The following RORA variants were observed in gnomAD, a reference collection of about 807,000 sequenced individuals.
RORA encodes the protein RAR related orphan receptor A, also known as nuclear receptor ROR-alpha.
Under a neutral mutation model 69.5 loss-of-function variants are expected in RORA, and 7 were observed. The ratio of observed to expected loss-of-function variants is 0.10; its 90% confidence interval spans 0.06 to 0.19. The LOEUF (loss-of-function observed/expected upper bound fraction) is 0.19, where lower values mean the gene tolerates loss of function less well. RORA is among the 10% of genes least tolerant of loss of function. The pLI is 1.00. For synonymous variants in RORA, 261 were observed against 240.8 expected, an observed-to-expected ratio of 1.08 and a Z score of -0.78; for missense variants, 457 against 663.0, an observed-to-expected ratio of 0.69 and a Z score of 3.41.
intron 1 of RORA, among the ~76,000 whole-genome samples, chr15:60,928,409 T>C (rs1241749018): frequency 1.3e-5 from 2 of 152,186 alleles, no homozygotes; most frequent in Non-Finnish European, 2.9e-5. Context: ...ACCAACATTC[T>C]AGGCGGGAAG....
intron 1 of RORA, among the ~76,000 whole-genome samples, chr15:60,921,717 A>C (rs866448303): frequency 6.6e-6 from 1 of 152,176 alleles, no homozygotes; most frequent in Non-Finnish European, 1.5e-5. Context: ...CATCTCTGCC[A>C]CTCACCATGT....
At chr15:60,741,530 A>C (rs1376157637) in intron 1 of RORA, among the ~76,000 whole-genome samples, 5 of 152,156 alleles carry the variant, frequency 3.3e-5, no homozygotes, top group African/African-American at 7.2e-5. Flanking sequence ...AGACAGACTG[A>C]AAATTCTCAG....
At chr15:60,613,022 AT>A (rs911568934) in intron 2 of RORA, among the ~76,000 whole-genome samples, 142 of 148,194 alleles carry the variant, frequency 9.6e-4, no homozygotes, top group African/African-American at 1.3e-3. Flanking sequence ...CTGTTCAGGA[AT>A]TTTTTTTTTT....
chr15:60,712,240 C>G (rs2071154617), intron 1 of RORA, among the ~76,000 whole-genome samples: 1 of 152,114 alleles, frequency 6.6e-6, no homozygotes, highest in Non-Finnish European at 1.5e-5. Flanking sequence ...AAGTGATTGT[C>G]TAACATTTTT....
chr15:61,165,178 A>G (rs1212161525), intron 1 of RORA, among the ~76,000 whole-genome samples: 1 of 152,234 alleles, frequency 6.6e-6, no homozygotes, highest in African/African-American at 2.4e-5. Context: ...GCCTCAACAC[A>G]GGGAGTATCT....
At chr15:60,862,284 G>A (rs2073441933) in intron 1 of RORA, among the ~76,000 whole-genome samples, 3 of 152,340 alleles carry the variant, frequency 2.0e-5, no homozygotes, top group African/African-American at 7.2e-5. Flanking sequence ...GTCAGGACAA[G>A]AGGATAGAGG....
chr15:61,155,004 C>G (rs112589260), intron 1 of RORA, among the ~76,000 whole-genome samples: 187 of 131,770 alleles, frequency 1.4e-3, no homozygotes, highest in African/African-American at 4.4e-3. Context: ...TTAGACAGGA[C>G]AAATACATTG....
chr15:61,073,896 G>A (rs1458410627), intron 1 of RORA, among the ~76,000 whole-genome samples: 3 of 152,146 alleles, frequency 2.0e-5, no homozygotes, highest in Non-Finnish European at 4.4e-5. Context: ...GGCATGCCCT[G>A]GCTTCAGATA....
chr15:60,547,735 A>C (rs1028743417), intron 2 of RORA: 6 of 151,906 alleles, frequency 3.9e-5, no homozygotes, highest in Non-Finnish European at 7.4e-5. Flanking sequence ...TTCTAGGAGA[A>C]CTATGGCCAC....
chr15:60,563,745 G>T (rs1056318663), intron 2 of RORA, among the ~76,000 whole-genome samples: 12 of 151,920 alleles, frequency 7.9e-5, no homozygotes, highest in African/African-American at 2.9e-4. Flanking sequence ...TTCCTGTGTG[G>T]CTACATCACA....
At chr15:60,978,193 G>C (rs6494239) in intron 1 of RORA, among the ~76,000 whole-genome samples, 145,267 of 152,166 alleles carry the variant, frequency 0.95, 69,369 homozygotes, top group Middle Eastern at 1. Flanking sequence ...TCATCAACAT[G>C]GCCAGCCTAG....
rs533609504 is a variant in RORA, at chr15:61,119,756, G to A, written c.166+109297C>T. Among the ~76,000 whole-genome samples, 6 of 152,298 alleles carry A rather than the reference G, an allele frequency of 3.9e-5. No individual in the cohort carries two copies. In the South Asian group the frequency reaches 1.0e-3, roughly 26 times the overall value. On this transcript the variant is annotated intron_variant, in intron 1 of 10. Transcript: ENST00000335670. ...GGCAAATGGCAGCAGGACAGCTGGA[G>A]TATACCAGAGTTGACTCATTTATTT... is the stretch of plus-strand genomic sequence containing the variant.
chr15:60,793,629 T>C (rs568644547), intron 1 of RORA, among the ~76,000 whole-genome samples: 6 of 152,332 alleles, frequency 3.9e-5, no homozygotes, highest in Non-Finnish European at 7.4e-5. Context: ...TGCACAAGTC[T>C]TGCCTGTGTG....
chr15:60,990,078 G>A (rs1386339410), intron 1 of RORA, among the ~76,000 whole-genome samples: 1 of 152,144 alleles, frequency 6.6e-6, no homozygotes, highest in African/African-American at 2.4e-5. Flanking sequence ...GTTTCATTTG[G>A]TTCATGCTGA....
At chr15:61,037,176 G>GT (rs1221266055) in intron 1 of RORA, among the ~76,000 whole-genome samples, 5 of 152,152 alleles carry the variant, frequency 3.3e-5, no homozygotes, top group African/African-American at 1.2e-4. Context: ...GGAGCAATGT[G>GT]TAAGAATTGA....
chr15:61,091,745 T>C (rs2078710716), intron 1 of RORA, among the ~76,000 whole-genome samples: 1 of 152,240 alleles, frequency 6.6e-6, no homozygotes, highest in Non-Finnish European at 1.5e-5. Flanking sequence ...TGCCTAGTAG[T>C]GCGTTGGGCT....
At chr15:60,698,375 T>G (rs560760131) in intron 1 of RORA, among the ~76,000 whole-genome samples, 7 of 152,230 alleles carry the variant, frequency 4.6e-5, no homozygotes, top group Non-Finnish European at 1.0e-4. Context: ...CTGCCCCTCG[T>G]TGACATGGCA....
At chr15:60,513,164 A>G (rs987116448) in intron 4 of RORA, among the ~76,000 whole-genome samples, 1 of 152,238 alleles carries the variant, frequency 6.6e-6, no homozygotes, top group African/African-American at 2.4e-5. Flanking sequence ...GAGCTGGAAT[A>G]CTGGTCACTT....
intron 1 of RORA, among the ~76,000 whole-genome samples, chr15:61,081,368 A>G (rs1193074347): frequency 6.6e-6 from 1 of 152,246 alleles, no homozygotes; most frequent in African/African-American, 2.4e-5. Flanking sequence ...ACAGCTTATA[A>G]AAAGGCAGGA....
Sources: gnomAD v4.1 joint callset for allele counts (sites outside exome capture counted in the v4.1 genomes callset) on GRCh38, gnomAD v4.1.1 for gene constraint, MANE v1.5 for transcripts, NCBI Gene and HGNC (gene_info 2026-07-23, HGNC 2026-07-21) for gene names.